TAF4B: variants seen among roughly 807,000 people sequenced by gnomAD.
The protein encoded by TAF4B is transcription initiation factor TFIID subunit 4B.
Under a neutral mutation model 86.4 loss-of-function variants are expected in TAF4B, and 38 were observed. The ratio of observed to expected loss-of-function variants is 0.44; its 90% CI spans 0.34 to 0.58. The LOEUF (loss-of-function observed/expected upper bound fraction) is 0.58, where lower values mean the gene tolerates loss of function less well. TAF4B is among the 20% of genes least tolerant of loss of function. TAF4B has a pLI of 0.02. For missense variants in TAF4B, 988 were observed against 1,027.6 expected, an observed-to-expected ratio of 0.96 and a Z score of 0.53; for synonymous variants, 388 against 391.2, an observed-to-expected ratio of 0.99 and a Z score of 0.10.
chr18:26,255,889 C>T, intron 1 of TAF4B: 11 of 1,247,960 alleles, frequency 8.8e-6, no homozygotes, highest in Admixed American at 1.7e-5. Flanking sequence ...AAGGAAACAA[C>T]TGGTGTTCTG....
At chr18:26,383,563 C>A (rs977184233) in intron 14 of TAF4B, among the ~76,000 whole-genome samples, 2 of 152,132 alleles carry the variant, frequency 1.3e-5, no homozygotes, top group African/African-American at 4.8e-5. Context: ...AGAAATTGAA[C>A]AGTGGCATCT....
intron 3 of TAF4B, among the ~76,000 whole-genome samples, chr18:26,268,844 A>G (rs1052747879): frequency 6.6e-6 from 1 of 152,128 alleles, no homozygotes; most frequent in East Asian, 1.9e-4. Context: ...ATTTTTGAAG[A>G]CAGAGTCTCA....
chr18:26,355,166 T>A (rs1042095837), intron 13 of TAF4B, among the ~76,000 whole-genome samples: 1 of 152,236 alleles, frequency 6.6e-6, no homozygotes, highest in African/African-American at 2.4e-5. Flanking sequence ...CATTTAAAAA[T>A]TTTAAGTTTC....
At chr18:26,354,652 A>G (rs1040890336) in intron 13 of TAF4B, among the ~76,000 whole-genome samples, 1 of 152,106 alleles carries the variant, frequency 6.6e-6, no homozygotes, top group African/African-American at 2.4e-5. Flanking sequence ...TCAAGGAGAG[A>G]ATTTTTGTCA....
rs537945516 is a variant in TAF4B at position 26,301,039 on chromosome 18, A to G, written c.1832+7508A>G. On this transcript the variant is annotated intron_variant, in intron 9 of 14. Coordinates refer to ENST00000269142, the MANE Select transcript of TAF4B (RefSeq NM_005640.3). ...AATTTTACCCATTACTGTTCCCATC[A>G]TCCAACGGTTGACTTACCTCTGTTT... 2.0e-5 allele frequency among the ~76,000 whole-genome samples: 3 copies of G among 152,278 alleles called. No homozygotes were observed. In the South Asian group the frequency reaches 6.2e-4, roughly 32 times the overall value.
At chr18:26,332,749 C>T (rs560223979) in intron 12 of TAF4B, among the ~76,000 whole-genome samples, 2 of 152,086 alleles carry the variant, frequency 1.3e-5, no homozygotes, top group Admixed American at 6.5e-5. Context: ...AGGGTGGTCT[C>T]GAACTCTCCT....
chr18:26,267,451 C>T lies in TAF4B; in HGVS notation c.490-65C>T, dbSNP rs2056254883. 3 of 1,032,254 alleles carry T rather than the reference C, an allele frequency of 2.9e-6. No individual in the cohort carries two copies. The African/African-American group carries it at 4.7e-5, about 16-fold the overall frequency. 63.9% of individuals were successfully genotyped at this position (1,032,254 alleles called of 1,614,324 possible). A position where few individuals can be genotyped will look rare whatever the true frequency, so the allele number is the denominator to read the frequency against. On this transcript the variant is annotated intron_variant, in intron 2 of 14. Coordinates refer to ENST00000269142, the MANE Select transcript of TAF4B (RefSeq NM_005640.3). Reference sequence around the variant, plus strand: ...TCATAAAGTGTTCTAATGTTCACTGCAGTACTGATCTTAAATTACTAACGC... The same window carrying T: ...TCATAAAGTGTTCTAATGTTCACTGTAGTACTGATCTTAAATTACTAACGC...
intron 11 of TAF4B, among the ~76,000 whole-genome samples, chr18:26,325,780 T>A (rs965069811): frequency 1.3e-5 from 2 of 152,230 alleles, no homozygotes; most frequent in African/African-American, 4.8e-5. Context: ...TATTCCATAT[T>A]CTATCTTGTG....
intron 13 of TAF4B, among the ~76,000 whole-genome samples, chr18:26,339,048 C>T (rs1369666790): frequency 6.6e-6 from 1 of 152,172 alleles, no homozygotes; most frequent in African/African-American, 2.4e-5. Flanking sequence ...GACAGGTTTT[C>T]TGTCTATTTG....
At position 26,282,395 on chromosome 18, in the gene TAF4B, A is replaced by G. The variant is rs558338969; in HGVS notation, c.972+335A>G. On this transcript the variant is annotated intron_variant, in intron 6 of 14. Coordinates refer to ENST00000269142, the MANE Select transcript of TAF4B (RefSeq NM_005640.3). Reference sequence around the variant, plus strand: ...CTAATATCACAATAAAGTGAGTCATATGAAATTTTTGGTTTCCAAATGCAT... The same window carrying G: ...CTAATATCACAATAAAGTGAGTCATGTGAAATTTTTGGTTTCCAAATGCAT... 1.5e-4 allele frequency among the ~76,000 whole-genome samples: 23 copies of G among 152,366 alleles called. 1 individual carries two copies. The South Asian group carries it at 3.9e-3, about 26-fold the overall frequency.
chr18:26,302,536 A>G (rs2056746937), intron 9 of TAF4B, among the ~76,000 whole-genome samples: 1 of 151,714 alleles, frequency 6.6e-6, no homozygotes, highest in South Asian at 2.1e-4. Flanking sequence ...TAGTTTTTAA[A>G]TTTTTTGTAG....
chr18:26,237,488 G>T (rs938395763), intron 1 of TAF4B, among the ~76,000 whole-genome samples: 5 of 151,868 alleles, frequency 3.3e-5, no homozygotes, highest in South Asian at 2.1e-4. Context: ...ATAGCCTGGG[G>T]TTTTTTTTGT....
At chr18:26,299,738 G>A (rs1445567862) in intron 9 of TAF4B, among the ~76,000 whole-genome samples, 1 of 151,954 alleles carries the variant, frequency 6.6e-6, no homozygotes, top group African/African-American at 2.4e-5. Flanking sequence ...TCATTTTAAT[G>A]CCAATTTCAT....
At chr18:26,359,872 A>G (rs1598827622) in intron 14 of TAF4B, among the ~76,000 whole-genome samples, 1 of 135,810 alleles carries the variant, frequency 7.4e-6, no homozygotes, top group Middle Eastern at 3.8e-3. Flanking sequence ...ACACACCACC[A>G]TGCCTGGCTA....
At chr18:26,329,864 G>T (rs993443148) in intron 12 of TAF4B, among the ~76,000 whole-genome samples, 1 of 151,996 alleles carries the variant, frequency 6.6e-6, no homozygotes, top group Non-Finnish European at 1.5e-5. Flanking sequence ...GAGTGCAGTG[G>T]TGTGATCACT....
chr18:26,319,174 A>G (rs542755602), intron 10 of TAF4B, among the ~76,000 whole-genome samples: 184 of 152,128 alleles, frequency 1.2e-3, no homozygotes, highest in African/African-American at 4.1e-3. Flanking sequence ...AGCCTGGGTG[A>G]CAGAGTGAGA....
chr18:26,276,389 T>C (rs936747266), intron 5 of TAF4B, among the ~76,000 whole-genome samples: 1 of 152,222 alleles, frequency 6.6e-6, no homozygotes, highest in Admixed American at 6.5e-5. Context: ...GCTGAGGATA[T>C]AACAAACAAA....
intron 9 of TAF4B, 77 bp from the exon 10 acceptor site, chr18:26,315,146 GTCTCTC>G (rs1212422063): frequency 9.0e-4 from 137 of 151,984 alleles, no homozygotes; most frequent in South Asian, 2.2e-3. Flanking sequence ...CTCTCTCTCT[GTCTCTC>G]TCTCTCTCTC....
chr18:26,229,652 G>A (rs1412768269), intron 1 of TAF4B, among the ~76,000 whole-genome samples: 6 of 151,822 alleles, frequency 4.0e-5, no homozygotes, highest in Non-Finnish European at 8.8e-5. Flanking sequence ...ACAGGCACAC[G>A]CCACCATGCT....
Sources: allele counts gnomAD v4.1 joint callset (sites outside exome capture counted in the v4.1 genomes callset), GRCh38; gene constraint gnomAD v4.1.1; transcripts MANE v1.5; gene names NCBI Gene and HGNC (gene_info 2026-07-23, HGNC 2026-07-21).